ERC2: variants seen among roughly 807,000 people sequenced by gnomAD.
ERC2 encodes the protein ELKS/RAB6-interacting/CAST family member 2, also known as ERC protein 2.
A neutral mutation model predicts 114.8 loss-of-function variants in ERC2; 42 were observed. The observed-to-expected ratio is 0.37, with a 90% CI of 0.29 to 0.47. The LOEUF (loss-of-function observed/expected upper bound fraction) is 0.47. Ranked by LOEUF, ERC2 falls within the 20% of genes least tolerant of loss-of-function variation. The pLI, the probability that ERC2 is intolerant of heterozygous loss-of-function variation, is 0.99. For missense variants in ERC2, 939 were observed against 1,150.7 expected (o/e 0.82, Z 2.66); for synonymous variants, 454 against 425.5 (o/e 1.07, Z -0.82).
chr3:56,426,446 G>C (rs1371128994), intron 2 of ERC2, among the ~76,000 whole-genome samples: 1 of 152,226 alleles, frequency 6.6e-6, no homozygotes, highest in Non-Finnish European at 1.5e-5. Context: ...ATTTGTAACA[G>C]ATGGGACTGT....
chr3:56,400,431 A>G (rs1198187672), intron 2 of ERC2, among the ~76,000 whole-genome samples: 1 of 152,220 alleles, frequency 6.6e-6, no homozygotes, highest in Non-Finnish European at 1.5e-5. Context: ...TCTGAGCAGT[A>G]TAGTTATAAA....
intron 3 of ERC2, among the ~76,000 whole-genome samples, chr3:56,200,279 A>G (rs1179049055): frequency 6.6e-6 from 1 of 151,632 alleles, no homozygotes; most frequent in Non-Finnish European, 1.5e-5. Flanking sequence ...ACTCACCTCC[A>G]TCACACAGAA....
At chr3:55,588,349 A>G (rs2057700986) in intron 17 of ERC2, among the ~76,000 whole-genome samples, 1 of 152,042 alleles carries the variant, frequency 6.6e-6, no homozygotes, top group Non-Finnish European at 1.5e-5. Flanking sequence ...CAGTTACACG[A>G]GCCATTTGGA....
chr3:55,668,598 C>T (rs1453672489), intron 17 of ERC2, among the ~76,000 whole-genome samples: 1 of 152,224 alleles, frequency 6.6e-6, no homozygotes. Flanking sequence ...GTATCACTTT[C>T]CTATCTTCTT....
intron 17 of ERC2, 94 bp downstream of exon 17, chr3:55,683,700 T>G (rs1398642537): frequency 9.6e-7 from 1 of 1,039,110 alleles, no homozygotes; most frequent in South Asian, 1.5e-5. Context: ...CAGGGCACAA[T>G]TCACAAACAT....
intron 3 of ERC2, among the ~76,000 whole-genome samples, chr3:56,290,402 A>ATTGT (rs2055005972): frequency 6.6e-6 from 1 of 152,250 alleles, no homozygotes; most frequent in Non-Finnish European, 1.5e-5. Context: ...CTGTATTAAA[A>ATTGT]TAGGGAGCAA....
intron 14 of ERC2, among the ~76,000 whole-genome samples, chr3:55,797,350 G>A (rs1256925991): frequency 2.0e-5 from 3 of 152,194 alleles, no homozygotes; most frequent in Admixed American, 6.5e-5. Context: ...TTGTACAACC[G>A]AGAGACTCAG....
intron 7 of ERC2, among the ~76,000 whole-genome samples, chr3:56,078,483 T>A (rs973337514): frequency 8.5e-5 from 13 of 152,182 alleles, no homozygotes; most frequent in African/African-American, 3.1e-4. Flanking sequence ...AACTCACTTA[T>A]GAAAAGACAA....
intron 1 of ERC2, among the ~76,000 whole-genome samples, chr3:56,452,602 G>C (rs1275145676): frequency 6.6e-6 from 1 of 152,062 alleles, no homozygotes; most frequent in African/African-American, 2.4e-5. Context: ...AATAATTTAA[G>C]CCAACCCTGG....
chr3:55,622,953 T>C (rs558141505), intron 17 of ERC2, among the ~76,000 whole-genome samples: 27 of 152,124 alleles, frequency 1.8e-4, no homozygotes, highest in Non-Finnish European at 1.6e-4. Context: ...AACACAAAAT[T>C]CCCCAGCTGT....
At chr3:55,912,306 G>A (rs1180572869) in intron 13 of ERC2, among the ~76,000 whole-genome samples, 1 of 152,166 alleles carries the variant, frequency 6.6e-6, no homozygotes, top group South Asian at 2.1e-4. Context: ...GAAAGATAAT[G>A]ATGACCATGG....
intron 14 of ERC2, among the ~76,000 whole-genome samples, chr3:55,817,508 A>G (rs920841163): frequency 1.1e-4 from 16 of 152,204 alleles, no homozygotes; most frequent in African/African-American, 3.9e-4. Context: ...AAAGCATTTC[A>G]GGTTGCAAAT....
At chr3:55,537,035 AAG>A (rs2054043239) in intron 17 of ERC2, among the ~76,000 whole-genome samples, 1 of 152,264 alleles carries the variant, frequency 6.6e-6, no homozygotes, top group African/African-American at 2.4e-5. Context: ...CCAGATTAAA[AAG>A]AGAGATGCAA....
intron 2 of ERC2, among the ~76,000 whole-genome samples, chr3:56,379,091 T>C (rs140715145): frequency 2.7e-3 from 407 of 152,326 alleles, no homozygotes; most frequent in African/African-American, 8.9e-3. Context: ...TTTTGTTGTA[T>C]TAAATCTTTT....
chr3:56,213,999 T>C (rs1354965684), intron 3 of ERC2, among the ~76,000 whole-genome samples: 1 of 152,106 alleles, frequency 6.6e-6, no homozygotes, highest in Non-Finnish European at 1.5e-5. Context: ...CAAAACCCCA[T>C]CTGTACGTCA....
intron 2 of ERC2, among the ~76,000 whole-genome samples, chr3:56,431,829 A>T (rs1484252869): frequency 6.6e-6 from 1 of 152,248 alleles, no homozygotes; most frequent in East Asian, 1.9e-4. Context: ...TGTATTAAAT[A>T]TACAGATTAA....
At chr3:56,107,741 C>T (rs1245000105) in intron 6 of ERC2, among the ~76,000 whole-genome samples, 3 of 152,154 alleles carry the variant, frequency 2.0e-5, no homozygotes, top group South Asian at 2.1e-4. Flanking sequence ...TGAATCTTCT[C>T]AATCTAACAA....
chr3:55,516,314 C>A (rs948475416), intron 17 of ERC2, among the ~76,000 whole-genome samples: 16 of 149,658 alleles, frequency 1.1e-4, no homozygotes, highest in African/African-American at 3.9e-4. Flanking sequence ...TCTTTAAAAA[C>A]GGGGTGGAAT....
intron 14 of ERC2, among the ~76,000 whole-genome samples, chr3:55,798,022 C>G (rs1376777617): frequency 2.6e-5 from 4 of 152,050 alleles, no homozygotes; most frequent in Admixed American, 6.6e-5. Context: ...AGCCAGAATG[C>G]AGCTCACAGA....
Sources: gnomAD v4.1 joint callset for allele counts (sites outside exome capture counted in the v4.1 genomes callset) on GRCh38, gnomAD v4.1.1 for gene constraint, MANE v1.5 for transcripts, NCBI Gene and HGNC (gene_info 2026-07-23, HGNC 2026-07-21) for gene names.